MGMT: variants seen among roughly 807,000 people sequenced by gnomAD.
MGMT encodes the protein methylated-DNA--protein-cysteine methyltransferase.
Under a neutral mutation model 15.9 loss-of-function variants are expected in MGMT, and 14 were observed. The ratio of observed to expected loss-of-function variants is 0.88; its 90% CI spans 0.58 to 1.37. The LOEUF is 1.37. MGMT is among the 40% of genes most tolerant of loss of function. The pLI is 0.00. For missense variants in MGMT, 282 were observed against 268.1 expected, an observed-to-expected ratio of 1.05 and a Z score of -0.36; for synonymous variants, 130 against 118.2, an observed-to-expected ratio of 1.10 and a Z score of -0.65.
rs1014720910 is a variant in MGMT, at chr10:129,769,900, G to A, written c.*2903G>A. Among the ~76,000 whole-genome samples, 4 of 152,178 alleles carry A rather than the reference G, an allele frequency of 2.6e-5. No individual in the cohort carries two copies. The highest frequency in any genetic ancestry group is 5.9e-5 in the Non-Finnish European group (4 of 68,036). ...CTTGCATGAGGAATTGCAGAACTTA[G>A]GGGCATGAATTTGCACTTCCAGATG... On this transcript the variant is annotated 3_prime_UTR_variant, in exon 5 of 5. Transcript: ENST00000651593.
At chr10:129,522,230 A>G (rs1845819345) in intron 1 of MGMT, among the ~76,000 whole-genome samples, 3 of 152,164 alleles carry the variant, frequency 2.0e-5, no homozygotes. Flanking sequence ...GCATTTGTAG[A>G]ATGCACCAAG....
intron 1 of MGMT, among the ~76,000 whole-genome samples, chr10:129,473,239 T>C (rs1845252411): frequency 6.6e-6 from 1 of 152,226 alleles, no homozygotes; most frequent in Non-Finnish European, 1.5e-5. Context: ...GTAACGCAGG[T>C]CCGCTGGGTA....
chr10:129,632,194 C>T (rs532328047), intron 2 of MGMT, among the ~76,000 whole-genome samples: 52 of 152,344 alleles, frequency 3.4e-4, no homozygotes, highest in Non-Finnish European at 5.9e-4. Context: ...AGTAGCCTGG[C>T]TTACGGATGT....
At chr10:129,754,933 AG>A in intron 3 of MGMT, among the ~76,000 whole-genome samples, 1 of 132,134 alleles carries the variant, frequency 7.6e-6, no homozygotes, top group East Asian at 2.2e-4. Context: ...ATTAGAGCCG[AG>A]CCCCTAGGGG....
chr10:129,696,319 A>G (rs1453038393), intron 2 of MGMT, among the ~76,000 whole-genome samples: 4 of 93,522 alleles, frequency 4.3e-5, no homozygotes. Flanking sequence ...ATTGCATTAT[A>G]TCAGGGGGTG....
chr10:129,493,892 C>T (rs12761694), intron 1 of MGMT, among the ~76,000 whole-genome samples: 2,394 of 152,344 alleles, frequency 0.016, 55 homozygotes, highest in Non-Finnish European at 0.016. Context: ...TGCACACTTA[C>T]ACCCCAGTCA....
At chr10:129,478,553 A>C (rs1231651203) in intron 1 of MGMT, among the ~76,000 whole-genome samples, 1 of 152,236 alleles carries the variant, frequency 6.6e-6, no homozygotes, top group East Asian at 1.9e-4. Context: ...CATGCTGTGG[A>C]TTGTAGATCT....
chr10:129,666,896 C>T (rs988199970), intron 2 of MGMT, among the ~76,000 whole-genome samples: 2 of 152,276 alleles, frequency 1.3e-5, no homozygotes, highest in East Asian at 3.9e-4. Context: ...AAGTTCTTGG[C>T]TTGGTTCCCA....
chr10:129,651,072 G>A (rs570293971), intron 2 of MGMT, among the ~76,000 whole-genome samples: 40 of 152,252 alleles, frequency 2.6e-4, no homozygotes, highest in African/African-American at 7.0e-4. Flanking sequence ...GCTGTACCCC[G>A]TACCTCTGTA....
chr10:129,767,059 G>T lies in MGMT; in HGVS notation c.*62G>T. ...CGTGTAACACTGCATCGGATGCGGG[G>T]CGTGGAGGCACCGCTGTATTAAAGG... On this transcript the variant is annotated 3_prime_UTR_variant, in exon 5 of 5. Transcript: ENST00000651593. 7.3e-7 allele frequency: 1 copy of T among 1,373,128 alleles called. No homozygotes were observed. Among genetic ancestry groups the T allele is most frequent in the Non-Finnish European group, 9.9e-7 (1 of 1,014,336 alleles). The allele number at this position is 1,373,128 out of a possible 1,614,324, so 85.1% of individuals were successfully genotyped here.
intron 1 of MGMT, among the ~76,000 whole-genome samples, chr10:129,525,688 C>G (rs1368906900): frequency 6.6e-6 from 1 of 152,212 alleles, no homozygotes; most frequent in East Asian, 1.9e-4. Flanking sequence ...GACCCAGACC[C>G]TGGAAGTCTG....
chr10:129,676,253 C>T (rs980128999), intron 2 of MGMT, among the ~76,000 whole-genome samples: 1 of 152,194 alleles, frequency 6.6e-6, no homozygotes, highest in African/African-American at 2.4e-5. Flanking sequence ...CTGTGGCCGC[C>T]CCCCGACCTT....
At chr10:129,575,135 A>G (rs1331732730) in intron 2 of MGMT, among the ~76,000 whole-genome samples, 5 of 152,224 alleles carry the variant, frequency 3.3e-5, no homozygotes, top group African/African-American at 1.2e-4. Context: ...CAAGACAGAA[A>G]GTTAACAAGG....
At chr10:129,696,629 G>A (rs58151665) in intron 2 of MGMT, among the ~76,000 whole-genome samples, 29 of 152,324 alleles carry the variant, frequency 1.9e-4, no homozygotes, top group African/African-American at 6.3e-4. Flanking sequence ...TTCAGTGCAC[G>A]TGCTCCGGAG....
chr10:129,738,678 A>G (rs1589968651), intron 3 of MGMT, among the ~76,000 whole-genome samples: 1 of 152,228 alleles, frequency 6.6e-6, no homozygotes, highest in Admixed American at 6.5e-5. Flanking sequence ...ATACATGTGC[A>G]TGTGTCTTTA....
intron 2 of MGMT, among the ~76,000 whole-genome samples, chr10:129,637,371 C>T (rs754895934): frequency 6.6e-6 from 1 of 152,146 alleles, no homozygotes; most frequent in Non-Finnish European, 1.5e-5. Context: ...TTCCTACATC[C>T]AGAGTAATGG....
intron 1 of MGMT, among the ~76,000 whole-genome samples, chr10:129,526,010 C>A (rs1358060618): frequency 6.6e-6 from 1 of 152,186 alleles, no homozygotes; most frequent in Non-Finnish European, 1.5e-5. Flanking sequence ...AACAGAACCC[C>A]TTTCGGTTGT....
chr10:129,612,023 A>G (rs533017160), intron 2 of MGMT, among the ~76,000 whole-genome samples: 3 of 152,294 alleles, frequency 2.0e-5, no homozygotes, highest in South Asian at 2.1e-4. Flanking sequence ...TTGGTTTTAT[A>G]CATTTAGGGA....
At chr10:129,574,824 T>G (rs750356314) in intron 2 of MGMT, among the ~76,000 whole-genome samples, 1 of 152,232 alleles carries the variant, frequency 6.6e-6, no homozygotes, top group Non-Finnish European at 1.5e-5. Context: ...TTAAAAATAT[T>G]GCTGCCTTCA....
Sources: gnomAD v4.1 joint callset for allele counts (sites outside exome capture counted in the v4.1 genomes callset) on GRCh38, gnomAD v4.1.1 for gene constraint, MANE v1.5 for transcripts, NCBI Gene and HGNC (gene_info 2026-07-23, HGNC 2026-07-21) for gene names.